The following QKI variants were observed in gnomAD, a reference collection of about 807,000 sequenced individuals.
QKI encodes QKI, KH domain containing RNA binding.
QKI carries 10 observed loss-of-function variants against 39.0 expected under a neutral mutation model. The observed-to-expected ratio is 0.26, with a 90% CI of 0.16 to 0.43. The LOEUF is 0.43. QKI is among the 20% of genes least tolerant of loss of function. QKI has a pLI of 1.00. For synonymous variants in QKI, 204 were observed against 155.4 expected (o/e 1.31, Z -2.33); for missense variants, 218 against 428.0 (o/e 0.51, Z 4.33).
chr6:163,415,142 T>TCCGGCGGCGGCG lies in QKI; in HGVS notation c.-51_-40dup. The TCCGGCGGCGGCG allele has an allele frequency of 7.4e-7, 1 of 1,347,372 alleles. No individual in the cohort carries two copies. The highest frequency in any genetic ancestry group is 9.7e-7 in the Non-Finnish European group (1 of 1,027,940). The allele number at this position is 1,347,372 out of a possible 1,614,324, so 83.5% of individuals were successfully genotyped here. A position where few individuals can be genotyped will look rare whatever the true frequency, so the allele number is the denominator to read the frequency against. ...GGCTCGCCCCCGCCCCTCCCTCCTCTCCGGCGGCGGCGGCGGCGGCGGCGG... is the reference window on the plus strand; with the variant it reads ...GGCTCGCCCCCGCCCCTCCCTCCTCTCCGGCGGCGGCGCCGGCGGCGGCGGCGGCGGCGGCGG... On this transcript the variant is annotated 5_prime_UTR_variant, in exon 1 of 8. Coordinates refer to ENST00000361752, the MANE Select transcript of QKI (RefSeq NM_006775.3).
intron 1 of QKI, among the ~76,000 whole-genome samples, chr6:163,447,264 T>C (rs1790228695): frequency 6.6e-6 from 1 of 151,080 alleles, no homozygotes; most frequent in Admixed American, 6.6e-5. Flanking sequence ...TTTTTTTTTT[T>C]TTTTTGCTAC....
At chr6:163,435,797 A>G (rs1251725236) in intron 1 of QKI, among the ~76,000 whole-genome samples, 2 of 152,186 alleles carry the variant, frequency 1.3e-5, no homozygotes, top group African/African-American at 2.4e-5. Context: ...TGGGCTTATA[A>G]TTAACACTAC....
intron 3 of QKI, among the ~76,000 whole-genome samples, chr6:163,504,305 T>G (rs1012100366): frequency 2.6e-5 from 4 of 152,200 alleles, no homozygotes; most frequent in Admixed American, 1.3e-4. Flanking sequence ...ACCTCTAGGT[T>G]TGTTCCTTTT....
At chr6:163,565,262 A>C (rs951360596) in intron 6 of QKI, 2 of 986,552 alleles carry the variant, frequency 2.0e-6, no homozygotes, top group Non-Finnish European at 2.4e-6. Context: ...GGTCCCGTGC[A>C]TGCTCCTTTT....
chr6:163,482,225 C>T (rs1214230201), intron 3 of QKI, among the ~76,000 whole-genome samples: 1 of 152,072 alleles, frequency 6.6e-6, no homozygotes, highest in African/African-American at 2.4e-5. Context: ...GAGTTCTATT[C>T]TGTGGTACAT....
intron 4 of QKI, among the ~76,000 whole-genome samples, chr6:163,536,444 C>CAAAATATA (rs1781217113): frequency 6.6e-6 from 1 of 152,156 alleles, no homozygotes; most frequent in Non-Finnish European, 1.5e-5. Context: ...TGTTGATCAA[C>CAAAATATA]TGTCAGGCTT....
chr6:163,450,635 G>GA lies in QKI; in HGVS notation c.143-4636dup, dbSNP rs533993953. Among the ~76,000 whole-genome samples the GA allele has an allele frequency of 2.8e-3, 427 of 150,246 alleles. 3 individuals carry two copies. The highest frequency in any genetic ancestry group is 9.7e-3 in the African/African-American group (398 of 40,886). On this transcript the variant is annotated intron_variant, in intron 1 of 7. Transcript: ENST00000361752. ...GACAGTTGAGCCTTAGTTTGGAAAAGAAAAAAAATCAAGATAATTAAAGCA... is the reference window on the plus strand; with the variant it reads ...GACAGTTGAGCCTTAGTTTGGAAAAGAAAAAAAAATCAAGATAATTAAAGCA...
intron 1 of QKI, among the ~76,000 whole-genome samples, chr6:163,453,211 C>CAAGAA (rs988923558): frequency 6.6e-6 from 1 of 150,728 alleles, no homozygotes; most frequent in Non-Finnish European, 1.5e-5. Flanking sequence ...CAATATTGAA[C>CAAGAA]TATTCTTGCA....
At chr6:163,474,155 A>C (rs1255385124) in intron 2 of QKI, among the ~76,000 whole-genome samples, 2 of 152,178 alleles carry the variant, frequency 1.3e-5, no homozygotes, top group Non-Finnish European at 2.9e-5. Flanking sequence ...ACTCTTAGCA[A>C]ACTAAGAAAT....
intron 1 of QKI, among the ~76,000 whole-genome samples, chr6:163,453,744 T>C (rs909370903): frequency 6.6e-6 from 1 of 152,188 alleles, no homozygotes; most frequent in Non-Finnish European, 1.5e-5. Flanking sequence ...TTTTTGTTGA[T>C]TTTATTTGCT....
At chr6:163,455,549 G>A in intron 2 of QKI, 128 bp downstream of exon 2, 2 of 930,810 alleles carry the variant, frequency 2.1e-6, no homozygotes, top group Non-Finnish European at 3.2e-6. Flanking sequence ...ACTGAAGTGT[G>A]AATAATTTGG....
intron 4 of QKI, 88 bp downstream of exon 4, chr6:163,535,213 G>T: frequency 8.0e-7 from 1 of 1,257,166 alleles, no homozygotes; most frequent in South Asian, 2.4e-5. Flanking sequence ...TAAGGAATAG[G>T]TTATTGGTTG....
At chr6:163,467,825 T>C (rs945142722) in intron 2 of QKI, among the ~76,000 whole-genome samples, 3 of 152,182 alleles carry the variant, frequency 2.0e-5, no homozygotes, top group Non-Finnish European at 2.9e-5. Flanking sequence ...TACAATGGTT[T>C]GAAAGGATAT....
rs1312443854 is a variant in QKI, at chr6:163,577,999, A to C, written c.*7289A>C. On this transcript the variant is annotated 3_prime_UTR_variant, in exon 8 of 8. Coordinates refer to ENST00000361752, the MANE Select transcript of QKI (RefSeq NM_006775.3). Reference sequence around the variant, plus strand: ...TATACATATGTCTAAAATAATAGTCATGGTAAGTTTGGCATCATATCTTCC... The same window carrying C: ...TATACATATGTCTAAAATAATAGTCCTGGTAAGTTTGGCATCATATCTTCC... The C allele has an allele frequency of 6.6e-6, 1 of 152,174 alleles. No homozygotes were observed. Among genetic ancestry groups the C allele is most frequent in the African/African-American group, 2.4e-5 (1 of 41,436 alleles). 9.4% of individuals were successfully genotyped at this position (152,174 alleles called of 1,614,324 possible).
In QKI at chr6:163,414,773, AGACCCCCC is replaced by A. The variant is rs1299894355; in HGVS notation, c.-418_-411del. The stretch of plus-strand genomic sequence containing the variant: ...CGCCGCGGCGGGGACCAGCCCAGAG[AGACCCCCC>A]GAGCCCGCGGCACAGGCGGCGGCGG... On this transcript the variant is annotated 5_prime_UTR_variant, in exon 1 of 8. Coordinates refer to ENST00000361752, the MANE Select transcript of QKI (RefSeq NM_006775.3). 6.8e-6 allele frequency: 1 copy of A among 146,954 alleles called. No individual in the cohort carries two copies. The highest frequency in any genetic ancestry group is 1.5e-5 in the Non-Finnish European group (1 of 66,210). 9.1% of individuals were successfully genotyped at this position (146,954 alleles called of 1,614,324 possible). A position where few individuals can be genotyped will look rare whatever the true frequency, so the allele number is the denominator to read the frequency against.
At chr6:163,434,134 T>C (rs1231222440) in intron 1 of QKI, among the ~76,000 whole-genome samples, 4 of 152,012 alleles carry the variant, frequency 2.6e-5, no homozygotes, top group Admixed American at 1.3e-4. Flanking sequence ...GGATAAGACA[T>C]AGTCTAGTGC....
chr6:163,482,580 C>T (rs146881034), intron 3 of QKI, among the ~76,000 whole-genome samples: 86 of 143,192 alleles, frequency 6.0e-4, no homozygotes, highest in South Asian at 3.2e-3. Context: ...AGTCCCTCGT[C>T]GGGTTCAATT....
At chr6:163,465,621 T>A (rs1791679661) in intron 2 of QKI, among the ~76,000 whole-genome samples, 2 of 131,752 alleles carry the variant, frequency 1.5e-5, no homozygotes, top group Non-Finnish European at 1.6e-5. Flanking sequence ...AGAGCAAGAC[T>A]GTCTCAAAAA....
At chr6:163,415,881 C>A in intron 1 of QKI, 1 of 510,640 alleles carries the variant, frequency 2.0e-6, no homozygotes, top group Non-Finnish European at 3.9e-6. Context: ...TGCAGCTGTT[C>A]AATACTAAGT....
Sources: allele counts gnomAD v4.1 joint callset (sites outside exome capture counted in the v4.1 genomes callset), GRCh38; gene constraint gnomAD v4.1.1; transcripts MANE v1.5; gene names NCBI Gene and HGNC (gene_info 2026-07-23, HGNC 2026-07-21).